The following SLC49A4 variants were observed in gnomAD, a reference collection of about 807,000 sequenced individuals.
SLC49A4 encodes solute carrier family 49 member 4.
Under a neutral mutation model 50.6 loss-of-function variants are expected in SLC49A4, and 36 were observed. That is an observed-to-expected ratio of 0.71 (90% CI 0.55 to 0.94). The LOEUF (loss-of-function observed/expected upper bound fraction) is 0.94, where lower values mean the gene tolerates loss of function less well. Among genes scored for constraint, SLC49A4 ranks in the 40% least tolerant of loss-of-function variants. The pLI, the probability that SLC49A4 is intolerant of heterozygous loss-of-function variation, is 0.00. For synonymous variants in SLC49A4, 248 were observed against 241.2 expected, an observed-to-expected ratio of 1.03 and a Z score of -0.26; for missense variants, 503 against 605.7, an observed-to-expected ratio of 0.83 and a Z score of 1.78.
intron 1 of SLC49A4, among the ~76,000 whole-genome samples, chr3:122,800,631 A>G (rs2107554303): frequency 6.6e-6 from 1 of 152,320 alleles, no homozygotes; most frequent in East Asian, 1.9e-4. Flanking sequence ...CCATGTAGGC[A>G]AGATGGGATG....
chr3:122,877,355 AG>A (rs1388607878), intron 8 of SLC49A4, among the ~76,000 whole-genome samples: 3 of 152,206 alleles, frequency 2.0e-5, no homozygotes, highest in Non-Finnish European at 4.4e-5. Flanking sequence ...TTTGAGAGAG[AG>A]GCACACAGTA....
intron 6 of SLC49A4, among the ~76,000 whole-genome samples, chr3:122,857,014 A>T (rs1936998059): frequency 6.6e-6 from 1 of 152,168 alleles, no homozygotes; most frequent in South Asian, 2.1e-4. Context: ...ATAATAATAA[A>T]GACAAATTAA....
chr3:122,800,120 T>C (rs1182387833), intron 1 of SLC49A4, among the ~76,000 whole-genome samples: 2 of 152,142 alleles, frequency 1.3e-5, no homozygotes, highest in Admixed American at 6.5e-5. Flanking sequence ...CTCATTCTTA[T>C]TGGTTAAAAA....
intron 5 of SLC49A4, among the ~76,000 whole-genome samples, chr3:122,847,349 A>AG (rs1936867760): frequency 2.2e-5 from 1 of 46,022 alleles, no homozygotes; most frequent in Non-Finnish European, 4.3e-5. Context: ...TACAGTGTAC[A>AG]ATTTTTTTTT....
At chr3:122,824,611 TTTTCTTTCTC>T (rs923492083) in intron 2 of SLC49A4, among the ~76,000 whole-genome samples, 43 of 151,876 alleles carry the variant, frequency 2.8e-4, no homozygotes, top group African/African-American at 1.0e-3. Context: ...CTTTCCTTTC[TTTTCTTTCTC>T]TTTCTTTCTT....
chr3:122,827,077 T>C lies in SLC49A4; in HGVS notation c.703+12T>C. 2.5e-6 allele frequency: 4 copies of C among 1,594,958 alleles called. No homozygotes were observed. Among genetic ancestry groups the C allele is most frequent in the Non-Finnish European group, 3.4e-6 (4 of 1,165,540 alleles). ...TGTGTTATATGCAGGTAATTTGAAG[T>C]TTATTTTCTTCTTGTTATACTTTGT... On this transcript the variant is annotated intron_variant, in intron 3 of 8. Coordinates refer to ENST00000261038, the MANE Select transcript of SLC49A4 (RefSeq NM_032839.3).
intron 2 of SLC49A4, 94 bp from the exon 3 acceptor site, chr3:122,826,706 G>T: frequency 1.6e-6 from 2 of 1,239,608 alleles, no homozygotes; most frequent in Non-Finnish European, 2.3e-6. Context: ...TATACTTATT[G>T]CCATAGTTAA....
intron 1 of SLC49A4, among the ~76,000 whole-genome samples, chr3:122,796,697 A>G (rs143273634): frequency 6.6e-6 from 1 of 152,278 alleles, no homozygotes; most frequent in East Asian, 1.9e-4. Flanking sequence ...GCACCTTCTT[A>G]TTCCATCATT....
intron 5 of SLC49A4, among the ~76,000 whole-genome samples, chr3:122,855,809 A>C (rs1433186165): frequency 1.3e-5 from 2 of 152,238 alleles, no homozygotes; most frequent in African/African-American, 4.8e-5. Context: ...AGTAAATGAC[A>C]GGGCTGGAAA....
At chr3:122,850,783 G>A (rs962821602) in intron 5 of SLC49A4, among the ~76,000 whole-genome samples, 2 of 152,088 alleles carry the variant, frequency 1.3e-5, no homozygotes, top group African/African-American at 4.8e-5. Context: ...GGGCCATGTC[G>A]GGCCATCTTT....
At chr3:122,848,457 T>C (rs1936885731) in intron 5 of SLC49A4, among the ~76,000 whole-genome samples, 1 of 152,136 alleles carries the variant, frequency 6.6e-6, no homozygotes, top group African/African-American at 2.4e-5. Flanking sequence ...GTTAGAGTTT[T>C]TATATTTACA....
At chr3:122,803,123 G>A (rs778814222) in intron 1 of SLC49A4, among the ~76,000 whole-genome samples, 16 of 152,054 alleles carry the variant, frequency 1.1e-4, no homozygotes, top group Admixed American at 2.0e-4. Context: ...GACCCATAAG[G>A]AATCCTACAC....
At chr3:122,853,556 C>G (rs910731408) in intron 5 of SLC49A4, among the ~76,000 whole-genome samples, 1 of 152,004 alleles carries the variant, frequency 6.6e-6, no homozygotes, top group East Asian at 1.9e-4. Context: ...CTCAGGAATT[C>G]GAGACTAGCC....
chr3:122,842,304 G>A (rs1391305664), intron 4 of SLC49A4, among the ~76,000 whole-genome samples: 3 of 151,852 alleles, frequency 2.0e-5, no homozygotes, highest in Non-Finnish European at 4.4e-5. Flanking sequence ...GGCTAACACG[G>A]TGAAACCCCG....
chr3:122,803,354 G>A (rs142221750), intron 1 of SLC49A4, among the ~76,000 whole-genome samples: 12 of 152,300 alleles, frequency 7.9e-5, no homozygotes, highest in African/African-American at 2.9e-4. Context: ...TTATGCCTGA[G>A]CACTCCAGAA....
chr3:122,799,603 C>G (rs1390334866), intron 1 of SLC49A4, among the ~76,000 whole-genome samples: 1 of 152,176 alleles, frequency 6.6e-6, no homozygotes, highest in African/African-American at 2.4e-5. Flanking sequence ...GGAGGGCTCA[C>G]TCCATTGACG....
chr3:122,870,950 T>G (rs1039194718), intron 7 of SLC49A4, among the ~76,000 whole-genome samples: 6 of 152,130 alleles, frequency 3.9e-5, no homozygotes, highest in African/African-American at 1.4e-4. Flanking sequence ...CATATGTAAG[T>G]AGAAAATGTG....
chr3:122,878,941 AATT>A (rs1215039695), intron 8 of SLC49A4, among the ~76,000 whole-genome samples: 4 of 152,232 alleles, frequency 2.6e-5, no homozygotes, highest in Admixed American at 2.6e-4. Flanking sequence ...CTTAAAAAAT[AATT>A]ATCAAACTAA....
At position 122,821,994 on chromosome 3, in the gene SLC49A4, T is replaced by C. The variant is rs936313104; in HGVS notation, c.438-4806T>C. Among the ~76,000 whole-genome samples, 8 of 152,350 alleles carry C rather than the reference T, an allele frequency of 5.3e-5. No individual in the cohort carries two copies. The South Asian group carries it at 6.2e-4, about 12-fold the overall frequency. The stretch of plus-strand genomic sequence containing the variant: ...TTAGTTGCATATTTCAGTGACTGCA[T>C]GTCCCTGTACTGGGCCCAGTCTGTG... On this transcript the variant is annotated intron_variant, in intron 2 of 8. Transcript: ENST00000261038.
Sources: allele counts gnomAD v4.1 joint callset (sites outside exome capture counted in the v4.1 genomes callset), GRCh38; gene constraint gnomAD v4.1.1; transcripts MANE v1.5; gene names NCBI Gene and HGNC (gene_info 2026-07-23, HGNC 2026-07-21).